The following ENOPH1 variants were observed in gnomAD, a reference collection of about 807,000 sequenced individuals.
ENOPH1 encodes the protein enolase-phosphatase 1.
ENOPH1 carries 14 observed loss-of-function variants against 31.1 expected under a neutral mutation model. That is an observed-to-expected ratio of 0.45 (90% confidence interval 0.30 to 0.70). The LOEUF (loss-of-function observed/expected upper bound fraction) is 0.70. ENOPH1 is among the 30% of genes least tolerant of loss of function. The probability of loss-of-function intolerance (pLI) is 0.09; values close to 1 mark genes in which losing one functional copy is unlikely to be tolerated. For synonymous variants in ENOPH1, 127 were observed against 123.2 expected (o/e 1.03, Z -0.21); for missense variants, 243 against 321.5 (o/e 0.76, Z 1.87).
At chr4:82,451,909 A>G (rs1349361323) in intron 3 of ENOPH1, among the ~76,000 whole-genome samples, 1 of 151,770 alleles carries the variant, frequency 6.6e-6, no homozygotes, top group African/African-American at 2.4e-5. Context: ...CAGCCTACCG[A>G]GTAGCTGGGA....
intron 3 of ENOPH1, among the ~76,000 whole-genome samples, chr4:82,452,234 CA>C (rs1435679907): frequency 6.6e-6 from 1 of 151,732 alleles, no homozygotes. Context: ...CCTGGCTATT[CA>C]AAAAACATTT....
At chr4:82,449,015 G>A (rs1722273457) in intron 2 of ENOPH1, among the ~76,000 whole-genome samples, 1 of 134,008 alleles carries the variant, frequency 7.5e-6, no homozygotes, top group East Asian at 2.2e-4. Flanking sequence ...CCGAGATCCC[G>A]CCACTGCACT....
At chr4:82,447,593 G>A (rs1037622294) in intron 1 of ENOPH1, among the ~76,000 whole-genome samples, 2 of 152,200 alleles carry the variant, frequency 1.3e-5, no homozygotes, top group Non-Finnish European at 2.9e-5. Flanking sequence ...GGTCTTGGTT[G>A]CAAATACTGA....
At chr4:82,432,867 C>T (rs908425111) in intron 1 of ENOPH1, among the ~76,000 whole-genome samples, 1 of 152,242 alleles carries the variant, frequency 6.6e-6, no homozygotes, top group Non-Finnish European at 1.5e-5. Flanking sequence ...GTGTCGGCCT[C>T]CCAAAGTGCT....
chr4:82,458,203 C>CT (rs1722539439), intron 5 of ENOPH1, among the ~76,000 whole-genome samples: 1 of 152,142 alleles, frequency 6.6e-6, no homozygotes, highest in South Asian at 2.1e-4. Flanking sequence ...GAATGAAAAA[C>CT]TAAGTTAATA....
chr4:82,430,983 A>G, intron 1 of ENOPH1, 70 bp downstream of exon 1: 1 of 1,438,652 alleles, frequency 7.0e-7, no homozygotes, highest in South Asian at 1.2e-5. Flanking sequence ...TAAGTATTTC[A>G]GGCCTTGCAT....
intron 5 of ENOPH1, among the ~76,000 whole-genome samples, chr4:82,457,706 G>A (rs1309810095): frequency 1.3e-5 from 2 of 152,176 alleles, no homozygotes; most frequent in Non-Finnish European, 2.9e-5. Context: ...GGGGTTGTGA[G>A]TATAAGGGGT....
At chr4:82,431,228 C>T (rs1407333932) in intron 1 of ENOPH1, among the ~76,000 whole-genome samples, 2 of 152,220 alleles carry the variant, frequency 1.3e-5, no homozygotes, top group Non-Finnish European at 2.9e-5. Flanking sequence ...CCTCGCCACC[C>T]GGCAGGTGTG....
intron 1 of ENOPH1, among the ~76,000 whole-genome samples, chr4:82,436,785 A>ACCTGG (rs1721915998): frequency 6.6e-6 from 1 of 151,672 alleles, no homozygotes; most frequent in Admixed American, 6.6e-5. Context: ...GATTCAGGAG[A>ACCTGG]CCTGGGCTGC....
At chr4:82,457,284 G>A (rs982024923) in intron 5 of ENOPH1, among the ~76,000 whole-genome samples, 2 of 152,034 alleles carry the variant, frequency 1.3e-5, no homozygotes, top group South Asian at 2.1e-4. Flanking sequence ...GCTCAGGCAG[G>A]AGGATTGCTT....
At chr4:82,455,224 G>C (rs1722454003) in intron 4 of ENOPH1, among the ~76,000 whole-genome samples, 1 of 152,148 alleles carries the variant, frequency 6.6e-6, no homozygotes, top group South Asian at 2.1e-4. Flanking sequence ...AGGAGAACCA[G>C]GCACATTTTT....
At chr4:82,452,900 CTTTTTT>C (rs761337281) in intron 3 of ENOPH1, among the ~76,000 whole-genome samples, 5 of 115,928 alleles carry the variant, frequency 4.3e-5, no homozygotes, top group Non-Finnish European at 7.1e-5. Context: ...CTGAGAAATT[CTTTTTT>C]TTTTTTTTTT....
chr4:82,451,892 C>T (rs938545001), intron 3 of ENOPH1, among the ~76,000 whole-genome samples: 2 of 152,096 alleles, frequency 1.3e-5, no homozygotes, highest in South Asian at 2.1e-4. Flanking sequence ...AGGTGATCCT[C>T]CCACCTCAGC....
chr4:82,460,002 C>G lies in ENOPH1; in HGVS notation c.668C>G (p.Ala223Gly), dbSNP rs1342305274. The change falls in exon 6 of 6, where the codon GCA becomes GGA. Residue 223 changes from alanine to glycine, a missense_variant. Physicochemically the swap from Ala to Gly is moderately conservative, Grantham distance 60 (BLOSUM62 0). Transcript: ENST00000273920. Reference sequence around the variant, plus strand: ...ACAGAGGCCAGTGCTGCTGAGGAAGCAGATGTGCACGTAGCTGTGGTGGTG... The same window carrying G: ...ACAGAGGCCAGTGCTGCTGAGGAAGGAGATGTGCACGTAGCTGTGGTGGTG... ...VTREASAAEE[A>G]DVHVAVVVRP... 1 of 1,613,942 alleles carries G rather than the reference C, an allele frequency of 6.2e-7. No individual in the cohort carries two copies. The highest frequency in any genetic ancestry group is 8.5e-7 in the Non-Finnish European group (1 of 1,180,024).
At chr4:82,435,057 T>C (rs777465670) in intron 1 of ENOPH1, among the ~76,000 whole-genome samples, 20 of 152,174 alleles carry the variant, frequency 1.3e-4, no homozygotes, top group Non-Finnish European at 2.9e-4. Flanking sequence ...ACCGCCACCA[T>C]CCCTGCACTT....
At chr4:82,451,604 CT>C in intron 3 of ENOPH1, among the ~76,000 whole-genome samples, 1 of 152,294 alleles carries the variant, frequency 6.6e-6, no homozygotes, top group Non-Finnish European at 1.5e-5. Context: ...TAATTACCTG[CT>C]TTTTGCTCTA....
chr4:82,459,087 A>G (rs78030775), intron 5 of ENOPH1, among the ~76,000 whole-genome samples: 3,041 of 152,126 alleles, frequency 0.02, 38 homozygotes, highest in Non-Finnish European at 0.03. Context: ...CACGGGATTT[A>G]TATATATATA....
chr4:82,452,382 C>T (rs940605870), intron 3 of ENOPH1, among the ~76,000 whole-genome samples: 7 of 152,146 alleles, frequency 4.6e-5, no homozygotes, highest in Admixed American at 2.6e-4. Context: ...AATCTCAGCT[C>T]ACTGCAACTT....
Position 82,460,036 on chromosome 4 carries a change from C to G in ENOPH1, c.702C>G (p.Gly234=). ...DVHVAVVVRP[G]NAGLTDDEKT... ...ACGTAGCTGTGGTGGTGAGACCAGG[C>G]AACGCAGGATTAACAGATGATGAGA... The change falls in exon 6 of 6, where the codon GGC becomes GGG. Residue 234 remains glycine, a synonymous_variant. Coordinates refer to ENST00000273920, the MANE Select transcript of ENOPH1 (RefSeq NM_021204.5). The G allele has an allele frequency of 2.5e-6, 4 of 1,614,132 alleles. No homozygotes were observed. The highest frequency in any genetic ancestry group is 3.4e-6 in the Non-Finnish European group (4 of 1,180,012).
Sources: allele counts gnomAD v4.1 joint callset (sites outside exome capture counted in the v4.1 genomes callset), GRCh38; gene constraint gnomAD v4.1.1; transcripts MANE v1.5; gene names NCBI Gene and HGNC (gene_info 2026-07-23, HGNC 2026-07-21).